The following UGT1A8 variants were observed in gnomAD, a reference collection of about 807,000 sequenced individuals.
UGT1A8 encodes the protein UDP-glucuronosyltransferase 1A8.
In UGT1A8, 39 loss-of-function variants were observed where a neutral mutation model predicts 45.3. The ratio of observed to expected loss-of-function variants is 0.86; its 90% confidence interval spans 0.67 to 1.12. The LOEUF (loss-of-function observed/expected upper bound fraction) is 1.12. Ranked by LOEUF, UGT1A8 falls within the 50% of genes most tolerant of loss-of-function variation. The pLI is 0.00. For missense variants in UGT1A8, 719 were observed against 664.9 expected (o/e 1.08, Z -0.90); for synonymous variants, 275 against 249.2 (o/e 1.10, Z -0.97).
At chr2:233,726,073 G>A (rs2077498872) in intron 1 of UGT1A8, among the ~76,000 whole-genome samples, 1 of 152,190 alleles carries the variant, frequency 6.6e-6, no homozygotes, top group Non-Finnish European at 1.5e-5. Context: ...GGCTGAGGCA[G>A]GAGGATTACT....
chr2:233,667,331 G>C lies in UGT1A8; in HGVS notation c.855+48769G>C, dbSNP rs183046444. Among the ~76,000 whole-genome samples, 19 of 152,326 alleles carry C rather than the reference G, an allele frequency of 1.2e-4. No individual in the cohort carries two copies. In the East Asian group the frequency reaches 3.7e-3, roughly 29 times the overall value. Reference sequence around the variant, plus strand: ...TGCTGGGAAAACTGGCTAGCCATTTGTAGAAAGCTGAAACTGGATCCCTTC... The same window carrying C: ...TGCTGGGAAAACTGGCTAGCCATTTCTAGAAAGCTGAAACTGGATCCCTTC... On this transcript the variant is annotated intron_variant, in intron 1 of 4. Coordinates refer to ENST00000373450, the MANE Select transcript of UGT1A8 (RefSeq NM_019076.5).
At chr2:233,667,860 A>G (rs571829657) in intron 1 of UGT1A8, among the ~76,000 whole-genome samples, 48 of 152,354 alleles carry the variant, frequency 3.2e-4, no homozygotes, top group African/African-American at 1.1e-3. Context: ...TAGAATGGCA[A>G]TCATTAAAAA....
intron 1 of UGT1A8, among the ~76,000 whole-genome samples, chr2:233,670,612 A>G (rs752947212): frequency 7.9e-5 from 12 of 152,182 alleles, no homozygotes; most frequent in Non-Finnish European, 1.5e-4. Context: ...ATCTCCATCA[A>G]GTCATCTTCT....
chr2:233,713,160 C>T (rs2076285885), intron 1 of UGT1A8: 1 of 1,614,074 alleles, frequency 6.2e-7, no homozygotes. Context: ...GAGAGGCCAC[C>T]AGGTGGTGGT....
intron 1 of UGT1A8, among the ~76,000 whole-genome samples, chr2:233,709,931 C>G (rs1011660132): frequency 3.3e-5 from 5 of 151,878 alleles, no homozygotes; most frequent in African/African-American, 1.2e-4. Flanking sequence ...CTTAGGCAAC[C>G]CTGGATGGTT....
intron 1 of UGT1A8, among the ~76,000 whole-genome samples, chr2:233,705,974 G>A (rs7564360): frequency 0.94 from 142,961 of 152,236 alleles, 67,221 homozygotes; most frequent in East Asian, 1. Context: ...CTGTGGTTCC[G>A]GCTACTCAGG....
chr2:233,729,516 G>T, intron 1 of UGT1A8: 1 of 1,614,186 alleles, frequency 6.2e-7, no homozygotes, highest in Non-Finnish European at 8.5e-7. Context: ...CTTGTGTGGA[G>T]CTACTACATA....
At chr2:233,658,774 G>C (rs980417656) in intron 1 of UGT1A8, among the ~76,000 whole-genome samples, 6 of 152,112 alleles carry the variant, frequency 3.9e-5, no homozygotes, top group African/African-American at 1.4e-4. Context: ...GTAAAAACTT[G>C]GTTGTTCATA....
intron 1 of UGT1A8, among the ~76,000 whole-genome samples, chr2:233,726,473 A>T (rs2077534267): frequency 6.6e-6 from 1 of 152,158 alleles, no homozygotes; most frequent in Non-Finnish European, 1.5e-5. Flanking sequence ...TCTTTAACAG[A>T]AATTTCCTTT....
At chr2:233,650,396 T>A (rs530174587) in intron 1 of UGT1A8, among the ~76,000 whole-genome samples, 1 of 152,362 alleles carries the variant, frequency 6.6e-6, no homozygotes, top group South Asian at 2.1e-4. Flanking sequence ...TTTGTCAGAA[T>A]TGTGTAAACT....
chr2:233,705,905 T>C (rs1056214511), intron 1 of UGT1A8, among the ~76,000 whole-genome samples: 1 of 152,030 alleles, frequency 6.6e-6, no homozygotes, highest in African/African-American at 2.4e-5. Context: ...CTGGCCAAAA[T>C]AGTGAAACTC....
intron 1 of UGT1A8, chr2:233,694,017 T>G: frequency 1.4e-6 from 2 of 1,382,468 alleles, no homozygotes; most frequent in Non-Finnish European, 9.8e-7. Context: ...CGGGAACACA[T>G]AGGAGACCTG....
intron 1 of UGT1A8, among the ~76,000 whole-genome samples, chr2:233,687,527 C>G (rs2074843265): frequency 6.9e-6 from 1 of 145,906 alleles, no homozygotes; most frequent in South Asian, 2.2e-4. Flanking sequence ...GTGACTTGCC[C>G]AAGGTTATGC....
chr2:233,652,281 A>G (rs1194855238), intron 1 of UGT1A8, among the ~76,000 whole-genome samples: 1 of 152,200 alleles, frequency 6.6e-6, no homozygotes, highest in African/African-American at 2.4e-5. Context: ...TTTTTTGTCA[A>G]AGTTTTCAAA....
At chr2:233,694,504 C>T (rs1266063005) in intron 1 of UGT1A8, among the ~76,000 whole-genome samples, 2 of 152,150 alleles carry the variant, frequency 1.3e-5, no homozygotes, top group African/African-American at 4.8e-5. Flanking sequence ...TACAGATGCC[C>T]TCCTGACATG....
Position 233,691,144 on chromosome 2 carries a change from G to C in UGT1A8, c.855+72582G>C, listed in dbSNP as rs946749152. 3 of 985,646 alleles carry C rather than the reference G, an allele frequency of 3.0e-6. No homozygotes were observed. The African/African-American group carries it at 5.2e-5, about 17-fold the overall frequency. The allele number at this position is 985,646 out of a possible 1,614,324, so 61.1% of individuals were successfully genotyped here. ...AAGCCATTCTTCCTCTAGATGAACT[G>C]TTCTTTGAAGGAAACCTGCCTAATG... On this transcript the variant is annotated intron_variant, in intron 1 of 4. Coordinates refer to ENST00000373450, the MANE Select transcript of UGT1A8 (RefSeq NM_019076.5).
intron 1 of UGT1A8, chr2:233,692,920 GT>G: frequency 6.4e-7 from 1 of 1,571,834 alleles, no homozygotes; most frequent in Non-Finnish European, 8.6e-7. Flanking sequence ...AAAAGCAGTG[GT>G]TAGTTTAGGG....
intron 1 of UGT1A8, among the ~76,000 whole-genome samples, chr2:233,644,792 A>T (rs2073556005): frequency 6.6e-6 from 1 of 151,816 alleles, no homozygotes; most frequent in African/African-American, 2.4e-5. Context: ...CTATTTCTTC[A>T]GTGTCTCTGA....
At chr2:233,726,906 T>G (rs1286190236) in intron 1 of UGT1A8, among the ~76,000 whole-genome samples, 2 of 152,198 alleles carry the variant, frequency 1.3e-5, no homozygotes, top group Non-Finnish European at 2.9e-5. Flanking sequence ...TTCAATTATC[T>G]CCTTTTTTCC....
Sources: allele counts gnomAD v4.1 joint callset (sites outside exome capture counted in the v4.1 genomes callset), GRCh38; gene constraint gnomAD v4.1.1; transcripts MANE v1.5; gene names NCBI Gene and HGNC (gene_info 2026-07-23, HGNC 2026-07-21).